The following PGM5 variants were observed in gnomAD, a reference collection of about 807,000 sequenced individuals.
The protein encoded by PGM5 is phosphoglucomutase-like protein 5.
In PGM5, 23 loss-of-function variants were observed where a neutral mutation model predicts 59.2. The observed-to-expected ratio is 0.39, with a 90% CI of 0.28 to 0.55. PGM5 has a LOEUF of 0.55. Among genes scored for constraint, PGM5 ranks in the 20% least tolerant of loss-of-function variants. The pLI, the probability that PGM5 is intolerant of heterozygous loss-of-function variation, is 0.66. For missense variants in PGM5, 574 were observed against 748.3 expected (o/e 0.77, Z 2.72); for synonymous variants, 214 against 286.0 (o/e 0.75, Z 2.54).
At chr9:68,383,528 C>A (rs1477014974) in intron 2 of PGM5, among the ~76,000 whole-genome samples, 2 of 151,826 alleles carry the variant, frequency 1.3e-5, no homozygotes, top group East Asian at 3.9e-4. Flanking sequence ...TTGGACAATG[C>A]AGTTCTAAGG....
chr9:68,425,259 ATG>A (rs1564002234), intron 6 of PGM5, among the ~76,000 whole-genome samples: 1 of 152,214 alleles, frequency 6.6e-6, no homozygotes, highest in African/African-American at 2.4e-5. Context: ...AACTCACTTG[ATG>A]ACATGGCAGA....
rs186080361 is a variant in PGM5, at chr9:68,444,815, A to G, written c.1044-20278A>G. On this transcript the variant is annotated intron_variant, in intron 6 of 10. Transcript: ENST00000396396. Reference sequence around the variant, plus strand: ...TACATTTTAAACTAAACACCCCTGGAGGGTGTACAGATAAGCAAAGAAGGG... The same window carrying G: ...TACATTTTAAACTAAACACCCCTGGGGGGTGTACAGATAAGCAAAGAAGGG... Among the ~76,000 whole-genome samples, 377 of 152,312 alleles carry G rather than the reference A, an allele frequency of 2.5e-3. 3 individuals carry two copies. The highest frequency in any genetic ancestry group is 8.6e-3 in the African/African-American group (359 of 41,576).
chr9:68,499,705 A>G (rs1824541767), intron 10 of PGM5, among the ~76,000 whole-genome samples: 2 of 152,194 alleles, frequency 1.3e-5, no homozygotes, highest in Non-Finnish European at 2.9e-5. Flanking sequence ...AAACTCTCAG[A>G]GCCTTGACTA....
At chr9:68,520,029 G>A (rs965778975) in intron 10 of PGM5, among the ~76,000 whole-genome samples, 1 of 150,202 alleles carries the variant, frequency 6.7e-6, no homozygotes, top group Non-Finnish European at 1.5e-5. Flanking sequence ...AATTGATGAT[G>A]CAGTCAGCCA....
At chr9:68,455,719 C>T (rs1267705847) in intron 6 of PGM5, among the ~76,000 whole-genome samples, 1 of 152,186 alleles carries the variant, frequency 6.6e-6, no homozygotes, top group Non-Finnish European at 1.5e-5. Flanking sequence ...GGCTGCTTCT[C>T]TGAGCCAGGT....
intron 6 of PGM5, among the ~76,000 whole-genome samples, chr9:68,430,119 A>G (rs1564003577): frequency 6.6e-6 from 1 of 152,254 alleles, no homozygotes; most frequent in Non-Finnish European, 1.5e-5. Flanking sequence ...GAAAAAATAA[A>G]CATAATTGAA....
At chr9:68,362,865 C>CTTTTTTTTTT (rs1163826772) in intron 1 of PGM5, among the ~76,000 whole-genome samples, 5 of 96,768 alleles carry the variant, frequency 5.2e-5, no homozygotes, top group Non-Finnish European at 8.0e-5. Flanking sequence ...TTTTCTTTTT[C>CTTTTTTTTTT]TTTTTTTTTT....
At chr9:68,428,638 T>G (rs1411544836) in intron 6 of PGM5, 1 of 152,258 alleles carries the variant, frequency 6.6e-6, no homozygotes, top group Non-Finnish European at 1.5e-5. Context: ...TTTGTGATTC[T>G]GCATGGGATC....
At chr9:68,477,747 C>G (rs1471484339) in intron 7 of PGM5, among the ~76,000 whole-genome samples, 1 of 152,116 alleles carries the variant, frequency 6.6e-6, no homozygotes, top group Admixed American at 6.5e-5. Flanking sequence ...ATGTGATATC[C>G]CAGCCACTGT....
chr9:68,413,292 A>C (rs1822966091), intron 6 of PGM5, among the ~76,000 whole-genome samples: 1 of 152,042 alleles, frequency 6.6e-6, no homozygotes, highest in Non-Finnish European at 1.5e-5. Flanking sequence ...CTCACCCTAA[A>C]TTCTGCCTCC....
At chr9:68,383,824 A>G (rs1290170473) in intron 2 of PGM5, among the ~76,000 whole-genome samples, 1 of 151,282 alleles carries the variant, frequency 6.6e-6, no homozygotes, top group Non-Finnish European at 1.5e-5. Context: ...GTCTAATACT[A>G]CTTGTCAATT....
intron 7 of PGM5, among the ~76,000 whole-genome samples, chr9:68,471,790 G>A (rs782374535): frequency 1.3e-5 from 2 of 151,850 alleles, no homozygotes; most frequent in African/African-American, 4.8e-5. Context: ...GTGGTGGCGG[G>A]TGCCTGTAAT....
intron 6 of PGM5, among the ~76,000 whole-genome samples, chr9:68,399,539 A>T (rs1554680351): frequency 6.6e-6 from 1 of 151,328 alleles, no homozygotes; most frequent in Non-Finnish European, 1.5e-5. Context: ...TTAATTTTTC[A>T]TGTCTCACAT....
chr9:68,515,964 G>T (rs759660880), intron 10 of PGM5, among the ~76,000 whole-genome samples: 1 of 152,180 alleles, frequency 6.6e-6, no homozygotes, highest in Non-Finnish European at 1.5e-5. Context: ...TGCTTGCCCC[G>T]TATGGGGGCT....
chr9:68,436,841 A>G (rs1823448855), intron 6 of PGM5, among the ~76,000 whole-genome samples: 1 of 152,246 alleles, frequency 6.6e-6, no homozygotes, highest in Admixed American at 6.5e-5. Context: ...ATTCAGAACC[A>G]GATTTATCTG....
At chr9:68,357,932 C>CAT (rs1834499275) in intron 1 of PGM5, 1 of 159,758 alleles carries the variant, frequency 6.3e-6, no homozygotes, top group African/African-American at 2.6e-5. Flanking sequence ...CACACACACA[C>CAT]ACACACACAC....
intron 10 of PGM5, among the ~76,000 whole-genome samples, chr9:68,520,388 G>A (rs265074): frequency 0.98 from 149,210 of 152,112 alleles, 73,231 homozygotes; most frequent in East Asian, 1. Context: ...TAAATCCACA[G>A]TTGCCCTTGA....
chr9:68,470,123 T>C (rs1655277707), intron 7 of PGM5, among the ~76,000 whole-genome samples: 1 of 152,218 alleles, frequency 6.6e-6, no homozygotes, highest in African/African-American at 2.4e-5. Context: ...TCTAGGGAGA[T>C]CTCCCTTCCT....
At chr9:68,412,704 A>G (rs1415437143) in intron 6 of PGM5, among the ~76,000 whole-genome samples, 1 of 152,188 alleles carries the variant, frequency 6.6e-6, no homozygotes, top group Non-Finnish European at 1.5e-5. Context: ...CAGAAATTAT[A>G]TTTCCTCTAA....
Sources: allele counts gnomAD v4.1 joint callset (sites outside exome capture counted in the v4.1 genomes callset), GRCh38; gene constraint gnomAD v4.1.1; transcripts MANE v1.5; gene names NCBI Gene and HGNC (gene_info 2026-07-23, HGNC 2026-07-21).